Variants in SCMH1 observed in about 807,000 individuals in gnomAD.
SCMH1 encodes Scm polycomb group protein homolog 1.
SCMH1 carries 37 observed loss-of-function variants against 70.8 expected under a neutral mutation model. That is an observed-to-expected ratio of 0.52 (90% CI 0.40 to 0.69). SCMH1 has a LOEUF of 0.69. Among genes scored for constraint, SCMH1 ranks in the 30% least tolerant of loss-of-function variants. SCMH1 has a pLI of 0.00. For synonymous variants in SCMH1, 292 were observed against 307.4 expected (o/e 0.95, Z 0.52); for missense variants, 607 against 827.3 (o/e 0.73, Z 3.27).
intron 1 of SCMH1, among the ~76,000 whole-genome samples, chr1:41,191,381 C>T (rs1651686050): frequency 1.3e-5 from 2 of 152,150 alleles, no homozygotes; most frequent in African/African-American, 2.4e-5. Context: ...TATATTTGAA[C>T]ATATCAAAAT....
chr1:41,204,798 T>A (rs1464646258), intron 1 of SCMH1, among the ~76,000 whole-genome samples: 1 of 151,378 alleles, frequency 6.6e-6, no homozygotes, highest in East Asian at 1.9e-4. Context: ...ACTGGGGTGT[T>A]TATGTTATTC....
intron 9 of SCMH1, among the ~76,000 whole-genome samples, chr1:41,071,584 A>C (rs1233322600): frequency 6.6e-6 from 1 of 152,174 alleles, no homozygotes; most frequent in Admixed American, 6.5e-5. Flanking sequence ...ATTTGAGAGA[A>C]ATCTATTATT....
At chr1:41,028,844 G>A in intron 13 of SCMH1, 118 bp from the exon 15 acceptor site, 2 of 1,120,086 alleles carry the variant, frequency 1.8e-6, no homozygotes, top group Non-Finnish European at 2.5e-6. Context: ...GCCAGACGAT[G>A]AGCTGAGGAA....
chr1:41,196,257 CA>C (rs1652992043), intron 1 of SCMH1, among the ~76,000 whole-genome samples: 1 of 151,888 alleles, frequency 6.6e-6, no homozygotes, highest in African/African-American at 2.4e-5. Context: ...CCAAATAGCT[CA>C]AACAATCTTG....
intron 1 of SCMH1, among the ~76,000 whole-genome samples, chr1:41,213,362 G>A (rs1167931564): frequency 6.6e-6 from 1 of 151,978 alleles, no homozygotes; most frequent in East Asian, 1.9e-4. Flanking sequence ...GTTTGTGATG[G>A]GCTTCAGGAC....
chr1:41,124,395 A>C (rs1672670953), intron 6 of SCMH1, among the ~76,000 whole-genome samples: 1 of 152,208 alleles, frequency 6.6e-6, no homozygotes, highest in African/African-American at 2.4e-5. Context: ...GATCCAATCA[A>C]GAATCACATA....
chr1:41,056,019 T>C (rs1158723234), intron 10 of SCMH1, among the ~76,000 whole-genome samples: 2 of 152,218 alleles, frequency 1.3e-5, no homozygotes, highest in Non-Finnish European at 2.9e-5. Flanking sequence ...ATGGCCCATA[T>C]TATTTGACCC....
At chr1:41,069,828 T>G (rs1029490613) in intron 10 of SCMH1, among the ~76,000 whole-genome samples, 1 of 152,192 alleles carries the variant, frequency 6.6e-6, no homozygotes, top group Non-Finnish European at 1.5e-5. Context: ...GGAAACTATG[T>G]CTGAGCCTTC....
chr1:41,047,392 C>CT (rs397861246), intron 11 of SCMH1, among the ~76,000 whole-genome samples: 13,469 of 112,430 alleles, frequency 0.12, 1,225 homozygotes, highest in East Asian at 0.25. Flanking sequence ...ACTTCCCAGT[C>CT]TTTTTTTTTT....
intron 7 of SCMH1, among the ~76,000 whole-genome samples, chr1:41,115,684 G>C (rs1670287332): frequency 6.6e-6 from 1 of 152,208 alleles, no homozygotes; most frequent in Non-Finnish European, 1.5e-5. Context: ...AGTGCTTTTA[G>C]CATCATTTAG....
chr1:41,204,566 C>A lies in SCMH1; in HGVS notation c.-117-18316G>T, dbSNP rs533872788. Reference sequence around the variant, plus strand: ...CTGTTGGAGGCCAAGTTCCTTATGACCTTGGGGCCTTTACACTCCCTGGAA... The same window carrying A: ...CTGTTGGAGGCCAAGTTCCTTATGAACTTGGGGCCTTTACACTCCCTGGAA... On this transcript the variant is annotated intron_variant, in intron 1 of 14. Transcript: ENST00000337495. Among the ~76,000 whole-genome samples, 12 of 152,266 alleles carry A rather than the reference C, an allele frequency of 7.9e-5. No individual in the cohort carries two copies. The East Asian group carries it at 1.9e-3, about 24-fold the overall frequency.
At chr1:41,123,462 C>G (rs1468240637) in intron 6 of SCMH1, among the ~76,000 whole-genome samples, 3 of 152,160 alleles carry the variant, frequency 2.0e-5, no homozygotes, top group African/African-American at 7.2e-5. Context: ...AGCTTCTACT[C>G]CAGCTCAGTG....
At chr1:41,159,919 ATCT>A in intron 4 of SCMH1, 2 of 903,412 alleles carry the variant, frequency 2.2e-6, no homozygotes, top group Non-Finnish European at 3.0e-6. Flanking sequence ...AGCTCATGTA[ATCT>A]TCTTTACAAC....
chr1:41,169,815 G>C (rs909156648), intron 2 of SCMH1, among the ~76,000 whole-genome samples: 4 of 152,124 alleles, frequency 2.6e-5, no homozygotes, highest in African/African-American at 9.7e-5. Flanking sequence ...GTATAAATCT[G>C]CTGCTTTTTT....
At chr1:41,092,287 T>C (rs1288278980) in intron 8 of SCMH1, among the ~76,000 whole-genome samples, 3 of 152,170 alleles carry the variant, frequency 2.0e-5, no homozygotes, top group African/African-American at 7.2e-5. Flanking sequence ...ATTTCCTATT[T>C]AATAAATGGT....
At chr1:41,186,170 G>T (rs1338221355) in exon 2 of SCMH1, 3 of 1,250,230 alleles carry the variant, frequency 2.4e-6, no homozygotes, top group African/African-American at 1.5e-5. Flanking sequence ...GGGTTAAGAA[G>T]TTTGGGATTT....
intron 8 of SCMH1, among the ~76,000 whole-genome samples, chr1:41,081,680 C>T (rs1430626670): frequency 6.6e-6 from 1 of 151,876 alleles, no homozygotes; most frequent in Non-Finnish European, 1.5e-5. Context: ...ATTAGCTGGG[C>T]ATGGTGGTGC....
intron 1 of SCMH1, among the ~76,000 whole-genome samples, chr1:41,202,921 A>G (rs532111007): frequency 2.7e-4 from 41 of 151,972 alleles, no homozygotes; most frequent in Non-Finnish European, 1.0e-4. Context: ...TATTAAAATT[A>G]TTTTCACTTG....
In SCMH1 at chr1:41,068,549, GC is replaced by G. The variant is rs1310298152; in HGVS notation, c.1105+2045del. Among the ~76,000 whole-genome samples the G allele has an allele frequency of 5.3e-5, 8 of 152,120 alleles. No homozygotes were observed. In the South Asian group the frequency reaches 6.2e-4, roughly 12 times the overall value. On this transcript the variant is annotated intron_variant, in intron 10 of 14. Coordinates refer to ENST00000337495, the Ensembl canonical transcript of SCMH1. ...GCCTCCTGAGTAGCTGGGACTACAGGCATGTGCCACCATGCCTGGCTAATTT... is the reference window on the plus strand; with the variant it reads ...GCCTCCTGAGTAGCTGGGACTACAGGATGTGCCACCATGCCTGGCTAATTT...
Sources: gnomAD v4.1 joint callset for allele counts (sites outside exome capture counted in the v4.1 genomes callset) on GRCh38, gnomAD v4.1.1 for gene constraint, MANE v1.5 for transcripts, NCBI Gene and HGNC (gene_info 2026-07-23, HGNC 2026-07-21) for gene names.